The following NCOA2 variants were observed in gnomAD, a reference collection of about 807,000 sequenced individuals.
The protein encoded by NCOA2 is nuclear receptor coactivator 2.
In NCOA2, 21 loss-of-function variants were observed where a neutral mutation model predicts 145.1. The observed-to-expected ratio is 0.14, with a 90% confidence interval of 0.10 to 0.21. The LOEUF is 0.21. NCOA2 is among the 10% of genes least tolerant of loss of function. NCOA2 has a pLI of 1.00. For synonymous variants in NCOA2, 619 were observed against 637.5 expected (o/e 0.97, Z 0.44); for missense variants, 1,472 against 1,837.6 (o/e 0.80, Z 3.64).
intron 4 of NCOA2, among the ~76,000 whole-genome samples, chr8:70,192,475 G>A (rs1280052574): frequency 6.6e-6 from 1 of 152,198 alleles, no homozygotes; most frequent in Non-Finnish European, 1.5e-5. Flanking sequence ...TCCAGCCTGT[G>A]CATACACCTG....
chr8:70,408,452 A>G (rs1489614393), upstream of NCOA2, among the ~76,000 whole-genome samples: 1 of 152,236 alleles, frequency 6.6e-6, no homozygotes, highest in Non-Finnish European at 1.5e-5. Flanking sequence ...AAGATGTCAC[A>G]TGATCTCTAC....
chr8:70,278,695 G>A (rs1025655767), intron 2 of NCOA2, among the ~76,000 whole-genome samples: 4 of 152,102 alleles, frequency 2.6e-5, no homozygotes, highest in African/African-American at 7.2e-5. Context: ...GGCTTGGGAC[G>A]GTGGCTCATG....
intron 2 of NCOA2, among the ~76,000 whole-genome samples, chr8:70,245,867 A>T (rs921780964): frequency 6.6e-6 from 1 of 152,180 alleles, no homozygotes; most frequent in African/African-American, 2.4e-5. Flanking sequence ...CAAATCTGGC[A>T]TAATGAACAC....
rs77097954 is a variant in NCOA2 at position 70,317,070 on chromosome 8, G to C, written c.-76-20270C>G. ...TATAAGAGAGCACATGAACTCTTGG[G>C]GTTTGCAGTGGCTAGCAAGAGCTAC... On this transcript the variant is annotated intron_variant, in intron 1 of 22. Coordinates refer to ENST00000452400, the MANE Select transcript of NCOA2 (RefSeq NM_006540.4). 8.2e-4 allele frequency among the ~76,000 whole-genome samples: 125 copies of C among 152,236 alleles called. 1 individual carries two copies. The East Asian group carries it at 0.021, about 26-fold the overall frequency.
chr8:70,158,512 T>C (rs1812527828), intron 10 of NCOA2, among the ~76,000 whole-genome samples: 1 of 152,218 alleles, frequency 6.6e-6, no homozygotes, highest in Middle Eastern at 3.2e-3. Context: ...TAAAATATTA[T>C]TTGTAAATAT....
At chr8:70,233,116 C>T (rs1821291352) in intron 2 of NCOA2, among the ~76,000 whole-genome samples, 1 of 151,670 alleles carries the variant, frequency 6.6e-6, no homozygotes, top group African/African-American at 2.4e-5. Context: ...TCCCAAGCTA[C>T]TCAGGAGGCT....
intron 5 of NCOA2, 105 bp downstream of exon 5, chr8:70,174,651 G>A (rs1814628768): frequency 1.9e-6 from 2 of 1,063,422 alleles, no homozygotes; most frequent in East Asian, 2.4e-5. Flanking sequence ...CATAGTACTA[G>A]TACTAGTGTG....
intron 2 of NCOA2, chr8:70,273,570 T>A: frequency 1.3e-6 from 1 of 756,018 alleles, no homozygotes; most frequent in South Asian, 1.3e-5. Context: ...GCAACAGTGA[T>A]CCACTTTAAC....
chr8:70,114,452 G>A (rs1806861416), intron 22 of NCOA2, among the ~76,000 whole-genome samples: 1 of 152,168 alleles, frequency 6.6e-6, no homozygotes. Flanking sequence ...ATCTGTCAAT[G>A]ATTTTCTTTG....
chr8:70,254,506 C>T (rs1261959453), intron 2 of NCOA2, among the ~76,000 whole-genome samples: 2 of 152,072 alleles, frequency 1.3e-5, no homozygotes, highest in Non-Finnish European at 2.9e-5. Flanking sequence ...ATGTGGTACA[C>T]AATACAGTAT....
intron 11 of NCOA2, among the ~76,000 whole-genome samples, chr8:70,153,042 AAAGT>A (rs758273877): frequency 2.0e-5 from 3 of 152,194 alleles, no homozygotes; most frequent in Non-Finnish European, 4.4e-5. Context: ...TTTTTTTCTT[AAAGT>A]AAGTCATTCT....
At chr8:70,183,724 C>A (rs1331058398) in intron 4 of NCOA2, among the ~76,000 whole-genome samples, 2 of 152,232 alleles carry the variant, frequency 1.3e-5, no homozygotes, top group Non-Finnish European at 2.9e-5. Context: ...TAGGCCCCTG[C>A]CGCCGTGCTT....
intron 1 of NCOA2, among the ~76,000 whole-genome samples, chr8:70,396,566 A>C (rs539653623): frequency 6.6e-6 from 1 of 152,336 alleles, no homozygotes; most frequent in Non-Finnish European, 1.5e-5. Context: ...ATAAATGTTA[A>C]CTATTTTACT....
intron 1 of NCOA2, among the ~76,000 whole-genome samples, chr8:70,368,239 A>C (rs559905809): frequency 2.6e-5 from 4 of 152,356 alleles, no homozygotes; most frequent in African/African-American, 9.6e-5. Context: ...AAAGAAAGAC[A>C]AAGAGAGTGT....
At chr8:70,287,924 G>A (rs13256016) in intron 2 of NCOA2, among the ~76,000 whole-genome samples, 10,290 of 151,966 alleles carry the variant, frequency 0.068, 496 homozygotes, top group Non-Finnish European at 0.11. Flanking sequence ...GGCTTTCTCC[G>A]TCTTTTGCTT....
rs138347378 is a variant in NCOA2, at chr8:70,131,317, G to A, written c.3324+520C>T. Among the ~76,000 whole-genome samples the A allele has an allele frequency of 3.7e-3, 565 of 152,238 alleles. 4 individuals carry two copies. The highest frequency in any genetic ancestry group is 0.012 in the African/African-American group (507 of 41,532). On this transcript the variant is annotated intron_variant, in intron 16 of 22. Transcript: ENST00000452400. ...AAACCATAAGTGAAAGGTTTAACCC[G>A]CCATTTTTAAAGGTAAAAATGATGA...
intron 1 of NCOA2, among the ~76,000 whole-genome samples, chr8:70,323,669 G>A (rs950258877): frequency 6.6e-6 from 1 of 152,104 alleles, no homozygotes; most frequent in East Asian, 1.9e-4. Context: ...GTGTAAATCA[G>A]ACTACTGATT....
intron 2 of NCOA2, chr8:70,273,706 T>C: frequency 1.6e-6 from 1 of 633,900 alleles, no homozygotes; most frequent in South Asian, 1.4e-5. Flanking sequence ...GTCTGACTAG[T>C]TTAAGGACTG....
In NCOA2 at chr8:70,353,546, A is replaced by G. The variant is rs184164379; in HGVS notation, c.-77+50154T>C. Among the ~76,000 whole-genome samples, 357 of 150,880 alleles carry G rather than the reference A, an allele frequency of 2.4e-3. 1 individual carries two copies. Among genetic ancestry groups the G allele is most frequent in the African/African-American group, 8.2e-3 (335 of 40,962 alleles). On this transcript the variant is annotated intron_variant, in intron 1 of 22. Coordinates refer to ENST00000452400, the MANE Select transcript of NCOA2 (RefSeq NM_006540.4). ...ATGATCATATAAACTCATTTCAAAA[A>G]TGAAAAAAACTAAAGGTTTAGAAAG...
Sources: gnomAD v4.1 joint callset for allele counts (sites outside exome capture counted in the v4.1 genomes callset) on GRCh38, gnomAD v4.1.1 for gene constraint, MANE v1.5 for transcripts, NCBI Gene and HGNC (gene_info 2026-07-23, HGNC 2026-07-21) for gene names.